IRGM: variants seen among roughly 807,000 people sequenced by gnomAD.
IRGM encodes immunity-related GTPase family M protein.
For synonymous variants in IRGM, 98 were observed against 80.6 expected (o/e 1.22, Z -1.16); for missense variants, 288 against 219.9 (o/e 1.31, Z -1.96).
At chr5:150,878,892 C>T (rs994625458) in intron 2 of IRGM, among the ~76,000 whole-genome samples, 11 of 151,774 alleles carry the variant, frequency 7.2e-5, no homozygotes, top group African/African-American at 2.7e-4. Context: ...TGTTGGTTTC[C>T]AGGGCTCTAA....
At chr5:150,866,276 A>G (rs1258488254) in intron 1 of IRGM, among the ~76,000 whole-genome samples, 2 of 152,192 alleles carry the variant, frequency 1.3e-5, no homozygotes, top group Non-Finnish European at 2.9e-5. Context: ...CAAAGGAAAG[A>G]ATGATGCCTG....
intron 1 of IRGM, among the ~76,000 whole-genome samples, chr5:150,867,050 A>G (rs980663826): frequency 1.3e-5 from 2 of 152,136 alleles, no homozygotes; most frequent in Non-Finnish European, 2.9e-5. Flanking sequence ...TTTTTGGGGA[A>G]CAGGTGGTGT....
chr5:150,896,562 T>C (rs1561755743), intron 3 of IRGM: 1 of 1,613,756 alleles, frequency 6.2e-7, no homozygotes, highest in Admixed American at 1.7e-5. Context: ...AGAATTGGGC[T>C]CACTCTGGCT....
At chr5:150,874,450 C>T (rs577788198) in intron 1 of IRGM, among the ~76,000 whole-genome samples, 4 of 152,276 alleles carry the variant, frequency 2.6e-5, no homozygotes, top group South Asian at 2.1e-4. Flanking sequence ...TGGGGCCTGT[C>T]GAGATATTCC....
chr5:150,881,476 T>C (rs185070970), intron 3 of IRGM, among the ~76,000 whole-genome samples: 1 of 151,976 alleles, frequency 6.6e-6, no homozygotes, highest in African/African-American at 2.4e-5. Flanking sequence ...AAAAAAATGC[T>C]AAAGAGAGTT....
At chr5:150,868,893 T>A (rs545179968) in intron 1 of IRGM, among the ~76,000 whole-genome samples, 11 of 152,258 alleles carry the variant, frequency 7.2e-5, no homozygotes, top group African/African-American at 2.6e-4. Flanking sequence ...TTTGGATAAG[T>A]CTTTATGGTT....
rs139363001 is a variant in IRGM at position 150,848,204 on chromosome 5, G to C, written c.81G>C (p.Lys27Asn). 1.3e-6 allele frequency: 2 copies of C among 1,551,762 alleles called. No homozygotes were observed. The highest frequency in any genetic ancestry group is 1.4e-5 in the African/African-American group (1 of 73,170). The change falls in exon 2 of 2, where the codon AAG becomes AAC. Residue 27 changes from lysine to asparagine, a missense_variant. Transcript: ENST00000522154. Reference sequence around the variant, plus strand: ...TCTCTAACATCAAGGAGACTCTGAAGATAGTGTCCAGGACACCAGTTAACA... The same window carrying C: ...TCTCTAACATCAAGGAGACTCTGAACATAGTGTCCAGGACACCAGTTAACA... ...EVISNIKETLKIVSRTPVNIT... is the reference protein window; with the variant it reads ...EVISNIKETLNIVSRTPVNIT...
At chr5:150,891,158 A>G (rs1334177310) in intron 3 of IRGM, among the ~76,000 whole-genome samples, 1 of 152,094 alleles carries the variant, frequency 6.6e-6, no homozygotes, top group Non-Finnish European at 1.5e-5. Context: ...CTCATGATAA[A>G]CTGATTCCTT....
intron 3 of IRGM, chr5:150,896,827 G>C (rs767774099): frequency 1.2e-6 from 2 of 1,613,650 alleles, no homozygotes; most frequent in Non-Finnish European, 1.7e-6. Context: ...TGATTCTCTA[G>C]AAATCTCTGC....
intron 1 of IRGM, among the ~76,000 whole-genome samples, chr5:150,870,848 T>C (rs1754272789): frequency 6.6e-6 from 1 of 151,524 alleles, no homozygotes; most frequent in Non-Finnish European, 1.5e-5. Flanking sequence ...GTTGTTATTG[T>C]TGTTTGTTTC....
chr5:150,882,227 GA>G (rs58354510), intron 3 of IRGM, among the ~76,000 whole-genome samples: 12 of 136,712 alleles, frequency 8.8e-5, no homozygotes, highest in Admixed American at 1.4e-4. Flanking sequence ...TCAAAAAAAA[GA>G]AAAAAAAAAG....
chr5:150,897,412 A>G (rs573166363), intron 3 of IRGM: 1 of 156,750 alleles, frequency 6.4e-6, no homozygotes, highest in East Asian at 1.9e-4. Flanking sequence ...CAACTAACAA[A>G]TAATAGAAAA....
intron 1 of IRGM, among the ~76,000 whole-genome samples, chr5:150,859,180 A>T (rs1197951375): frequency 6.6e-6 from 1 of 152,204 alleles, no homozygotes; most frequent in Non-Finnish European, 1.5e-5. Flanking sequence ...ATCTATTGAG[A>T]TAATGATGTG....
At position 150,896,419 on chromosome 5, in the gene IRGM, A is replaced by C; in HGVS notation, c.*141-4170A>C. 1.9e-6 allele frequency: 3 copies of C among 1,613,670 alleles called. No homozygotes were observed. In the South Asian group the frequency reaches 3.3e-5, roughly 18 times the overall value. On this transcript the variant is annotated intron_variant and NMD_transcript_variant, in intron 3 of 3. Transcript: ENST00000520549. Reference sequence around the variant, plus strand: ...GACTTCTTAGCAAAGGCTTTTCCACATGTAACACATACACAGCTTTTCTCT... The same window carrying C: ...GACTTCTTAGCAAAGGCTTTTCCACCTGTAACACATACACAGCTTTTCTCT...
At position 150,846,927 on chromosome 5, in the gene IRGM, A is replaced by G. The variant is rs1228485383; in HGVS notation, c.-709A>G. ...AGTCAGTGAGACGAAGAACCCACCA[A>G]TTCCGGTAGGAGTAGGAAATCACAT... is the stretch of plus-strand genomic sequence containing the variant. On this transcript the variant is annotated 5_prime_UTR_variant, in exon 1 of 2. Coordinates refer to ENST00000522154, the MANE Select transcript of IRGM (RefSeq NM_001145805.2). The G allele has an allele frequency of 6.5e-6, 1 of 153,114 alleles. No individual in the cohort carries two copies. Among genetic ancestry groups the G allele is most frequent in the African/African-American group, 2.4e-5 (1 of 41,464 alleles). 9.5% of individuals were successfully genotyped at this position (153,114 alleles called of 1,614,324 possible).
intron 3 of IRGM, among the ~76,000 whole-genome samples, chr5:150,891,814 G>A (rs1432566279): frequency 6.6e-6 from 1 of 152,064 alleles, no homozygotes; most frequent in Non-Finnish European, 1.5e-5. Flanking sequence ...CGTAGATGTG[G>A]AATTTCAAAG....
chr5:150,870,832 TTTG>T (rs1754272613), intron 1 of IRGM, among the ~76,000 whole-genome samples: 1 of 152,120 alleles, frequency 6.6e-6, no homozygotes, highest in Non-Finnish European at 1.5e-5. Flanking sequence ...TAACTGTTTT[TTTG>T]TTGTTGTTAT....
intron 3 of IRGM, chr5:150,894,644 A>G (rs1012782525): frequency 1.0e-4 from 16 of 152,396 alleles, no homozygotes; most frequent in African/African-American, 2.9e-4. Flanking sequence ...AAGTACTAAT[A>G]TTAACTGAAA....
rs191913164 is a variant in IRGM, at chr5:150,870,826, T to A, written c.159-7154T>A. Among the ~76,000 whole-genome samples the A allele has an allele frequency of 3.9e-3, 595 of 152,300 alleles. 8 individuals are homozygous for A. Among genetic ancestry groups the A allele is most frequent in the African/African-American group, 0.014 (563 of 41,562 alleles). ...TACGCGATCATTTGTTTTGCTTAACTGTTTTTTTGTTGTTGTTATTGTTGT... is the reference window on the plus strand; with the variant it reads ...TACGCGATCATTTGTTTTGCTTAACAGTTTTTTTGTTGTTGTTATTGTTGT... On this transcript the variant is annotated intron_variant and NMD_transcript_variant, in intron 1 of 3. Transcript: ENST00000520549.
Sources: gnomAD v4.1 joint callset for allele counts (sites outside exome capture counted in the v4.1 genomes callset) on GRCh38, gnomAD v4.1.1 for gene constraint, MANE v1.5 for transcripts, NCBI Gene and HGNC (gene_info 2026-07-23, HGNC 2026-07-21) for gene names.